NUDT13: variants seen among roughly 807,000 people sequenced by gnomAD.
NUDT13 encodes nudix hydrolase 13.
Under a neutral mutation model 41.7 loss-of-function variants are expected in NUDT13, and 40 were observed. The observed-to-expected ratio is 0.96, with a 90% CI of 0.75 to 1.25. The LOEUF (loss-of-function observed/expected upper bound fraction) is 1.25, where lower values mean the gene tolerates loss of function less well. NUDT13 is among the 50% of genes most tolerant of loss of function. NUDT13 has a pLI of 0.00. For synonymous variants in NUDT13, 145 were observed against 155.5 expected, an observed-to-expected ratio of 0.93 and a Z score of 0.50; for missense variants, 390 against 416.1, an observed-to-expected ratio of 0.94 and a Z score of 0.55.
chr10:73,125,348 T>C (rs1564653259), intron 6 of NUDT13, 50 bp from the exon 7 acceptor site: 1 of 1,610,460 alleles, frequency 6.2e-7, no homozygotes, highest in Non-Finnish European at 8.5e-7. Flanking sequence ...CTTTAGCTCA[T>C]TGGCAGGGCC....
intron 5 of NUDT13, chr10:73,124,865 C>T: frequency 5.4e-6 from 2 of 368,434 alleles, no homozygotes; most frequent in South Asian, 6.2e-5. Flanking sequence ...ATTTTATTAC[C>T]TCATATACTT....
At chr10:73,116,263 C>A (rs1210170229) in intron 2 of NUDT13, among the ~76,000 whole-genome samples, 1 of 152,090 alleles carries the variant, frequency 6.6e-6, no homozygotes, top group Non-Finnish European at 1.5e-5. Context: ...CCTGCCTTTA[C>A]CTCCCAAAGT....
chr10:73,128,445 T>C (rs1158699677), intron 8 of NUDT13, among the ~76,000 whole-genome samples: 1 of 152,192 alleles, frequency 6.6e-6, no homozygotes, highest in East Asian at 1.9e-4. Context: ...ATAGTAGCCA[T>C]CAAAGAAGGT....
rs576941351 is a variant in NUDT13 at position 73,110,501 on chromosome 10, A to G, written c.-76A>G. On this transcript the variant is annotated 5_prime_UTR_variant, in exon 1 of 9. Coordinates refer to ENST00000357321, the MANE Select transcript of NUDT13 (RefSeq NM_015901.6). Reference sequence around the variant, plus strand: ...AGGGAACGGAAGCCGTTGAACGTGAACATTTGGAGTTTCCTCTTTTGTGCT... The same window carrying G: ...AGGGAACGGAAGCCGTTGAACGTGAGCATTTGGAGTTTCCTCTTTTGTGCT... 3.3e-5 allele frequency: 5 copies of G among 152,306 alleles called. No individual in the cohort carries two copies. Among genetic ancestry groups the G allele is most frequent in the South Asian group, 4.1e-4 (2 of 4,826 alleles). The allele number at this position is 152,306 out of a possible 1,614,324, so 9.4% of individuals were successfully genotyped here.
intron 5 of NUDT13, 91 bp downstream of exon 5, chr10:73,124,411 G>C (rs1842723608): frequency 1.2e-6 from 1 of 839,646 alleles, no homozygotes; most frequent in South Asian, 1.5e-5. Context: ...AGTGACGTTT[G>C]ATTTCTTCTT....
intron 8 of NUDT13, among the ~76,000 whole-genome samples, chr10:73,129,804 C>T (rs1321723167): frequency 6.6e-6 from 1 of 151,238 alleles, no homozygotes; most frequent in Non-Finnish European, 1.5e-5. Context: ...ATGGTGAAAC[C>T]CCGTCTCTAC....
chr10:73,124,391 ACAAGGC>A, intron 5 of NUDT13, 71 bp downstream of exon 5: 2 of 1,007,992 alleles, frequency 2.0e-6, no homozygotes, highest in Non-Finnish European at 3.1e-6. Flanking sequence ...ATGTGTACAC[ACAAGGC>A]TAGAGTGACG....
At chr10:73,130,577 C>T (rs1842896378) in intron 8 of NUDT13, 126 bp from the exon 9 acceptor site, 2 of 754,484 alleles carry the variant, frequency 2.7e-6, no homozygotes, top group South Asian at 1.6e-5. Context: ...TTTCACCTAA[C>T]CTGAAGATCC....
intron 8 of NUDT13, 24 bp from the exon 9 acceptor site, chr10:73,130,679 C>G: frequency 6.2e-7 from 1 of 1,603,468 alleles, no homozygotes; most frequent in South Asian, 1.1e-5. Context: ...GACCTTACAT[C>G]CTTTTCTTCC....
At chr10:73,122,562 TTTTA>T (rs1367483288) in intron 4 of NUDT13, among the ~76,000 whole-genome samples, 3 of 151,934 alleles carry the variant, frequency 2.0e-5, no homozygotes, top group East Asian at 1.9e-4. Flanking sequence ...CCATTATACA[TTTTA>T]TTTATTTATT....
intron 1 of NUDT13, among the ~76,000 whole-genome samples, chr10:73,112,449 A>C (rs547733507): frequency 1.3e-5 from 2 of 152,162 alleles, no homozygotes; most frequent in Admixed American, 1.3e-4. Context: ...AGGTCATGTT[A>C]ACCAACTGTT....
intron 1 of NUDT13, among the ~76,000 whole-genome samples, chr10:73,111,113 A>T (rs1350481716): frequency 3.9e-5 from 6 of 151,920 alleles, no homozygotes; most frequent in Admixed American, 1.3e-4. Flanking sequence ...AGTAGCTGGG[A>T]CTACAGGCGC....
chr10:73,122,630 G>C (rs183933111), intron 4 of NUDT13, among the ~76,000 whole-genome samples: 14 of 152,072 alleles, frequency 9.2e-5, no homozygotes, highest in African/African-American at 3.4e-4. Flanking sequence ...GGAGTGCAGT[G>C]GTACAATCAC....
At chr10:73,122,470 A>G (rs1472536790) in intron 4 of NUDT13, among the ~76,000 whole-genome samples, 161 bp downstream of exon 4, 1 of 152,264 alleles carries the variant, frequency 6.6e-6, no homozygotes, top group African/African-American at 2.4e-5. Flanking sequence ...TATCATCATC[A>G]TTTAAATGAC....
In NUDT13 at chr10:73,125,186, G is replaced by T; in HGVS notation, c.534G>T (p.Lys178Asn). The change falls in exon 6 of 9, where the codon AAG becomes AAT. Residue 178 changes from lysine (K) to asparagine (N), a missense_variant. Lys to Asn is a moderately conservative substitution (Grantham distance 94). Transcript: ENST00000357321. ...FCSRSGQPTK[K>N]NVAGSKRVCP... ...GCAGAAGTGGGCAGCCCACCAAGAA[G>T]AACGTGGCTGGCAGCAAGCGTGTGT... is the stretch of plus-strand genomic sequence containing the variant. 2 of 1,613,648 alleles carry T rather than the reference G, an allele frequency of 1.2e-6. No homozygotes were observed. The highest frequency in any genetic ancestry group is 1.7e-6 in the Non-Finnish European group (2 of 1,179,882).
intron 3 of NUDT13, 95 bp from the exon 4 acceptor site, chr10:73,122,080 G>GAAGTAGAT: frequency 7.1e-7 from 1 of 1,403,724 alleles, no homozygotes; most frequent in Non-Finnish European, 9.7e-7. Context: ...ACTTTAAGCT[G>GAAGTAGAT]AAGTAGATGA....
intron 3 of NUDT13, among the ~76,000 whole-genome samples, chr10:73,120,639 A>G (rs1031785281): frequency 7.2e-5 from 11 of 152,102 alleles, no homozygotes; most frequent in African/African-American, 1.4e-4. Flanking sequence ...CAGTTATGCT[A>G]ATTCAGAGTT....
In NUDT13 at chr10:73,130,870, G is replaced by A. The variant is rs1842903539; in HGVS notation, c.1026G>A (p.Val342=). The change falls in exon 9 of 9, where the codon GTG becomes GTA. Residue 342 remains valine (V), a synonymous_variant. Coordinates refer to ENST00000357321, the MANE Select transcript of NUDT13 (RefSeq NM_015901.6). ...AISHQLIKEW[V]EKQTCSSLPA ...CCCACCAACTGATTAAGGAGTGGGT[G>A]GAAAAACAGACCTGTTCTTCCCTGC... 1.2e-6 allele frequency: 2 copies of A among 1,613,682 alleles called. No homozygotes were observed. Among genetic ancestry groups the A allele is most frequent in the Non-Finnish European group, 8.5e-7 (1 of 1,179,900 alleles).
chr10:73,114,362 G>A lies in NUDT13; in HGVS notation c.-4G>A. On this transcript the variant is annotated 5_prime_UTR_variant, in exon 2 of 9. Transcript: ENST00000357321. ...TCCTTTTTTTTTTTTTTAAGGACCTGACAATGTCCCTGTATTGTGGAATAG... is the reference window on the plus strand; with the variant it reads ...TCCTTTTTTTTTTTTTTAAGGACCTAACAATGTCCCTGTATTGTGGAATAG... 6.8e-7 allele frequency: 1 copy of A among 1,471,630 alleles called. No individual in the cohort carries two copies. Among genetic ancestry groups the A allele is most frequent in the African/African-American group, 1.4e-5 (1 of 69,342 alleles). 91.2% of individuals were successfully genotyped at this position (1,471,630 alleles called of 1,614,324 possible).
Sources: allele counts gnomAD v4.1 joint callset (sites outside exome capture counted in the v4.1 genomes callset), GRCh38; gene constraint gnomAD v4.1.1; transcripts MANE v1.5; gene names NCBI Gene and HGNC (gene_info 2026-07-23, HGNC 2026-07-21).